Variants in MAP2 observed in about 807,000 individuals in gnomAD.
MAP2 encodes microtubule associated protein 2, also known as microtubule-associated protein 2.
MAP2 carries 14 observed loss-of-function variants against 137.6 expected under a neutral mutation model. That is an observed-to-expected ratio of 0.10 (90% CI 0.07 to 0.16). The LOEUF is 0.16. Ranked by LOEUF, MAP2 falls within the 10% of genes least tolerant of loss-of-function variation. MAP2 has a pLI of 1.00. For synonymous variants in MAP2, 786 were observed against 782.3 expected, an observed-to-expected ratio of 1.00 and a Z score of -0.08; for missense variants, 2,088 against 2,191.5, an observed-to-expected ratio of 0.95 and a Z score of 0.94.
chr2:209,426,834 AT>A (rs1692695791), intron 1 of MAP2, among the ~76,000 whole-genome samples: 1 of 152,258 alleles, frequency 6.6e-6, no homozygotes, highest in African/African-American at 2.4e-5. Flanking sequence ...GCCTGAAGGA[AT>A]AATTTCATTC....
chr2:209,705,508 C>A, intron 11 of MAP2, 72 bp from the exon 12 acceptor site: 1 of 1,343,284 alleles, frequency 7.4e-7, no homozygotes, highest in Non-Finnish European at 9.9e-7. Flanking sequence ...AGGAAAATAG[C>A]AAAATCAATA....
intron 5 of MAP2, among the ~76,000 whole-genome samples, chr2:209,664,962 C>CAAAAAAAAAAAAAAAA (rs67286716): frequency 9.6e-5 from 5 of 51,832 alleles, no homozygotes; most frequent in Non-Finnish European, 1.6e-4. Context: ...AACTCCGTCT[C>CAAAAAAAAAAAAAAAA]AAAAAAAAAA....
intron 3 of MAP2, among the ~76,000 whole-genome samples, chr2:209,611,993 C>T (rs116761147): frequency 9.0e-4 from 137 of 152,256 alleles, no homozygotes; most frequent in African/African-American, 3.1e-3. Flanking sequence ...CTCCATGTAA[C>T]TCCTTAAAGC....
intron 4 of MAP2, among the ~76,000 whole-genome samples, chr2:209,652,144 T>G (rs2094845482): frequency 6.6e-6 from 1 of 152,190 alleles, no homozygotes; most frequent in Non-Finnish European, 1.5e-5. Context: ...CTCTTTTCAA[T>G]TATATATCTA....
chr2:209,485,373 C>T (rs371836047), intron 1 of MAP2, among the ~76,000 whole-genome samples: 2 of 152,050 alleles, frequency 1.3e-5, no homozygotes, highest in South Asian at 4.2e-4. Flanking sequence ...AGCCCCACCT[C>T]CTATAACTTT....
At chr2:209,727,375 G>T (rs1215878899) in intron 14 of MAP2, among the ~76,000 whole-genome samples, 1 of 152,188 alleles carries the variant, frequency 6.6e-6, no homozygotes, top group Non-Finnish European at 1.5e-5. Flanking sequence ...GAAAATGCTG[G>T]ACTCTTCAAT....
rs565042928 is a variant in MAP2, at chr2:209,576,442, G to T, written c.-171-3594G>T. ...TATTTTTTTTTTTAGTAGAGATGGG[G>T]TTTCACTATGGCCAGGCTGGTTTCA... On this transcript the variant is annotated intron_variant, in intron 2 of 15. Coordinates refer to ENST00000682079, the MANE Select transcript of MAP2 (RefSeq NM_001375505.1). 2.6e-5 allele frequency among the ~76,000 whole-genome samples: 4 copies of T among 151,800 alleles called. No homozygotes were observed. In the South Asian group the frequency reaches 8.3e-4, roughly 32 times the overall value.
At chr2:209,434,594 T>G (rs1017834881) in intron 1 of MAP2, among the ~76,000 whole-genome samples, 4 of 151,546 alleles carry the variant, frequency 2.6e-5, no homozygotes, top group Non-Finnish European at 5.9e-5. Context: ...AATCCTAGCA[T>G]TTTGGGAGTC....
Position 209,482,119 on chromosome 2 carries a change from G to A in MAP2, c.-221-25473G>A, listed in dbSNP as rs527771265. Among the ~76,000 whole-genome samples, 300 of 152,230 alleles carry A rather than the reference G, an allele frequency of 2.0e-3. 3 individuals are homozygous for A. The highest frequency in any genetic ancestry group is 0.01 in the Middle Eastern group (3 of 294). ...CAAAGACAGCAGTAGAATCAGTGTT[G>A]ACACTTCACTATTCTTACTTAAAAA... On this transcript the variant is annotated intron_variant, in intron 1 of 15. Transcript: ENST00000682079.
rs114509746 is a variant in MAP2, at chr2:209,463,002, C to T, written c.-222+38726C>T. Among the ~76,000 whole-genome samples, 1,261 of 152,156 alleles carry T rather than the reference C, an allele frequency of 8.3e-3. 12 individuals are homozygous for T. The highest frequency in any genetic ancestry group is 0.029 in the African/African-American group (1,185 of 41,518). ...CATAATGCACACACACACACACGTG[C>T]ACACAAATACGTGCACACACACATG... On this transcript the variant is annotated intron_variant, in intron 1 of 15. Transcript: ENST00000682079.
chr2:209,556,044 T>TTC (rs1265828024), intron 2 of MAP2, among the ~76,000 whole-genome samples: 11 of 125,590 alleles, frequency 8.8e-5, no homozygotes, highest in African/African-American at 3.7e-4. Context: ...TTTCTTTTCT[T>TTC]TTTTTTTTTT....
intron 1 of MAP2, among the ~76,000 whole-genome samples, chr2:209,479,148 A>T (rs1161679297): frequency 6.6e-6 from 1 of 152,112 alleles, no homozygotes; most frequent in African/African-American, 2.4e-5. Context: ...AACATGGAGT[A>T]TTTTCTACCA....
intron 3 of MAP2, among the ~76,000 whole-genome samples, chr2:209,619,139 C>T (rs572253315): frequency 5.9e-5 from 9 of 152,032 alleles, no homozygotes; most frequent in African/African-American, 2.2e-4. Context: ...TGGGGGTATG[C>T]TGGGGAGATG....
intron 2 of MAP2, among the ~76,000 whole-genome samples, chr2:209,553,136 G>A (rs920237358): frequency 7.3e-5 from 11 of 150,890 alleles, no homozygotes; most frequent in Non-Finnish European, 1.3e-4. Context: ...CTCAGCCTCC[G>A]GAGTAGCTCG....
rs868763367 is a variant in MAP2, at chr2:209,616,027, C to A, written c.-106-9026C>A. ...CACCATTTCTCCCCTATCCCACATC[C>A]CCTGTCCACTGAAAGCTATTTTCAT... is the stretch of plus-strand genomic sequence containing the variant. On this transcript the variant is annotated intron_variant, in intron 3 of 15. Transcript: ENST00000682079. Among the ~76,000 whole-genome samples the A allele has an allele frequency of 2.6e-5, 4 of 152,196 alleles. No individual in the cohort carries two copies. In the South Asian group the frequency reaches 6.2e-4, roughly 24 times the overall value.
chr2:209,694,392 A>G lies in MAP2; in HGVS notation c.2222A>G (p.Glu741Gly). Residue 741 changes from glutamate to glycine, a missense_variant, in exon 8 of 16, where the codon GAA becomes GGA. Physicochemically the swap from Glu to Gly is moderately conservative, Grantham distance 98. This residue lies in a region of MAP2 where 500 missense variants were observed against 482.9 expected (regional missense o/e 1.04). Transcript: ENST00000682079. ...ILTNTSGSMD[E>G]GDDYLPATTP... is the part of the protein sequence containing the mutation. ...ACCAACACTAGTGGAAGTATGGATG[A>G]AGGGGATGATTACCTTCCAGCCACC... The G allele has an allele frequency of 9.3e-6, 15 of 1,614,112 alleles. No homozygotes were observed. The highest frequency in any genetic ancestry group is 1.3e-5 in the Non-Finnish European group (15 of 1,179,996).
chr2:209,526,981 C>T (rs1239841135), intron 2 of MAP2, among the ~76,000 whole-genome samples: 2 of 152,006 alleles, frequency 1.3e-5, no homozygotes, highest in African/African-American at 2.4e-5. Flanking sequence ...TTAATTAAAC[C>T]AGGAGACTTG....
At chr2:209,585,042 A>C (rs544976024) in intron 3 of MAP2, among the ~76,000 whole-genome samples, 24 of 152,210 alleles carry the variant, frequency 1.6e-4, no homozygotes, top group African/African-American at 3.4e-4. Context: ...AAAAATGAAG[A>C]GGTATGTTTA....
intron 1 of MAP2, among the ~76,000 whole-genome samples, chr2:209,469,734 C>G (rs537434049): frequency 1.4e-3 from 210 of 152,262 alleles, no homozygotes; most frequent in Non-Finnish European, 2.6e-3. Flanking sequence ...CCTACTCAGG[C>G]TAAGAATTAC....
Sources: allele counts gnomAD v4.1 joint callset (sites outside exome capture counted in the v4.1 genomes callset), GRCh38; gene constraint gnomAD v4.1.1; regional missense constraint gnomAD v4.1.1; transcripts MANE v1.5; gene names NCBI Gene and HGNC (gene_info 2026-07-23, HGNC 2026-07-21).